Variants in TRERF1 observed in about 807,000 individuals in gnomAD.
TRERF1 encodes transcriptional-regulating factor 1.
Under a neutral mutation model 122.9 loss-of-function variants are expected in TRERF1, and 27 were observed. The observed-to-expected ratio is 0.22, with a 90% CI of 0.16 to 0.30. TRERF1 has a LOEUF of 0.30. Ranked by LOEUF, TRERF1 falls within the 10% of genes least tolerant of loss-of-function variation. TRERF1 has a pLI of 1.00. For synonymous variants in TRERF1, 636 were observed against 641.7 expected (o/e 0.99, Z 0.13); for missense variants, 1,248 against 1,560.3 (o/e 0.80, Z 3.37).
intron 2 of TRERF1, among the ~76,000 whole-genome samples, chr6:42,399,360 T>C (rs763292077): frequency 3.3e-4 from 50 of 152,242 alleles, no homozygotes; most frequent in African/African-American, 1.2e-3. Flanking sequence ...AGAGAAAGTA[T>C]AGACCCCACC....
At chr6:42,311,560 C>T (rs192615005) in intron 3 of TRERF1, among the ~76,000 whole-genome samples, 5 of 151,896 alleles carry the variant, frequency 3.3e-5, no homozygotes, top group Admixed American at 6.6e-5. Flanking sequence ...GTCAGGAGAT[C>T]GAGACCATCC....
chr6:42,425,252 T>G (rs1405043011), intron 2 of TRERF1, among the ~76,000 whole-genome samples: 1 of 152,198 alleles, frequency 6.6e-6, no homozygotes, highest in Non-Finnish European at 1.5e-5. Flanking sequence ...GGTCACATAC[T>G]TCACACTGAC....
Position 42,398,196 on chromosome 6 carries a change from T to C in TRERF1, c.-453-35117A>G, listed in dbSNP as rs74900491. Among the ~76,000 whole-genome samples the C allele has an allele frequency of 9.9e-3, 1,504 of 152,280 alleles. 31 individuals are homozygous for C. Among genetic ancestry groups the C allele is most frequent in the African/African-American group, 0.034 (1,395 of 41,538 alleles). The stretch of plus-strand genomic sequence containing the variant: ...ATGATGTATGCGGACTGGATGAACA[T>C]ACACAAAATATTCAATAAATACCAG... On this transcript the variant is annotated intron_variant, in intron 2 of 17. Coordinates refer to ENST00000372922, the Ensembl canonical transcript of TRERF1.
chr6:42,303,092 T>C (rs1441526089), intron 3 of TRERF1, among the ~76,000 whole-genome samples: 1 of 152,162 alleles, frequency 6.6e-6, no homozygotes, highest in African/African-American at 2.4e-5. Flanking sequence ...GGAAAGGAAA[T>C]GAAATTAACT....
Position 42,434,677 on chromosome 6 carries a change from C to G in TRERF1, c.-454+16500G>C, listed in dbSNP as rs866053788. On this transcript the variant is annotated intron_variant, in intron 2 of 17. Coordinates refer to ENST00000372922, the Ensembl canonical transcript of TRERF1. ...CAGCAGACACCCTCCACCACACACA[C>G]ACACACACACACACACACACACACA... Among the ~76,000 whole-genome samples, 149 of 147,584 alleles carry G rather than the reference C, an allele frequency of 1.0e-3. 4 individuals carry two copies. In the South Asian group the frequency reaches 0.027, roughly 26 times the overall value.
intron 13 of TRERF1, among the ~76,000 whole-genome samples, chr6:42,253,982 A>G (rs1389588633): frequency 6.6e-6 from 1 of 152,266 alleles, no homozygotes; most frequent in Non-Finnish European, 1.5e-5. Flanking sequence ...GAACCAACTT[A>G]GGTTTGTGGA....
At chr6:42,315,397 C>T (rs892381410) in intron 3 of TRERF1, among the ~76,000 whole-genome samples, 2 of 152,186 alleles carry the variant, frequency 1.3e-5, no homozygotes. Context: ...GAAGCACATG[C>T]CAAGGACTTT....
chr6:42,253,978 A>G (rs1315280894), intron 13 of TRERF1, among the ~76,000 whole-genome samples: 4 of 152,210 alleles, frequency 2.6e-5, no homozygotes, highest in Non-Finnish European at 5.9e-5. Flanking sequence ...TAAAGAACCA[A>G]CTTAGGTTTG....
At chr6:42,448,764 C>CAAAGG (rs1451419290) in intron 2 of TRERF1, among the ~76,000 whole-genome samples, 4 of 152,256 alleles carry the variant, frequency 2.6e-5, no homozygotes, top group African/African-American at 9.6e-5. Context: ...GAGCATCAAA[C>CAAAGG]TACTTTAAGT....
intron 17 of TRERF1, among the ~76,000 whole-genome samples, chr6:42,230,408 T>G (rs1039666682): frequency 6.6e-6 from 1 of 151,326 alleles, no homozygotes; most frequent in East Asian, 1.9e-4. Context: ...CTGGGAAACA[T>G]GAAATACTGA....
chr6:42,449,960 C>G (rs1203385056), intron 2 of TRERF1, among the ~76,000 whole-genome samples: 1 of 152,214 alleles, frequency 6.6e-6, no homozygotes, highest in Non-Finnish European at 1.5e-5. Context: ...ACTCCCTAAC[C>G]CTACTAAACG....
At chr6:42,346,509 G>A (rs546806445) in intron 3 of TRERF1, among the ~76,000 whole-genome samples, 100 of 152,294 alleles carry the variant, frequency 6.6e-4, no homozygotes, top group African/African-American at 1.9e-3. Context: ...AATCCACAGC[G>A]ATCCAGAGCA....
chr6:42,269,740 G>A lies in TRERF1; in HGVS notation c.-150C>T, dbSNP rs1779883879. Reference sequence around the variant, plus strand: ...TGTCTGTGAACGTGGCTGGAGCCAGGTGTTCCTGTTGGCCTGTACCACTCA... The same window carrying A: ...TGTCTGTGAACGTGGCTGGAGCCAGATGTTCCTGTTGGCCTGTACCACTCA... On this transcript the variant is annotated 5_prime_UTR_variant, in exon 5 of 18. Transcript: ENST00000372922. The surrounding 1 kb of genome is among the most constrained non-coding windows in gnomAD (Gnocchi z 4.9). 3 of 1,448,460 alleles carry A rather than the reference G, an allele frequency of 2.1e-6. No individual in the cohort carries two copies. Among genetic ancestry groups the A allele is most frequent in the South Asian group, 1.5e-5 (1 of 68,086 alleles). The allele number at this position is 1,448,460 out of a possible 1,614,324, so 89.7% of individuals were successfully genotyped here.
At position 42,268,073 on chromosome 6, in the gene TRERF1, G is replaced by A; in HGVS notation, c.1437+81C>T. On this transcript the variant is annotated intron_variant, in intron 5 of 17. Transcript: ENST00000372922. The surrounding 1 kb of genome is among the most constrained non-coding windows in gnomAD (Gnocchi z 4.4). ...AGAACAAAAGGGTTGAGGGGGCTTG[G>A]AGAGAGGATTGAGCACTGCAGACTC... 7.4e-7 allele frequency: 1 copy of A among 1,355,544 alleles called. No individual in the cohort carries two copies. Among genetic ancestry groups the A allele is most frequent in the Non-Finnish European group, 9.6e-7 (1 of 1,045,408 alleles). 84.0% of individuals were successfully genotyped at this position (1,355,544 alleles called of 1,614,324 possible).
chr6:42,307,395 T>G (rs1304435999), intron 3 of TRERF1, among the ~76,000 whole-genome samples: 1 of 152,216 alleles, frequency 6.6e-6, no homozygotes, highest in Admixed American at 6.5e-5. Context: ...ACTTAAATAT[T>G]TGGAGTAAAA....
chr6:42,417,954 A>T (rs1782088837), intron 2 of TRERF1, among the ~76,000 whole-genome samples: 1 of 152,198 alleles, frequency 6.6e-6, no homozygotes, highest in Admixed American at 6.5e-5. Flanking sequence ...GGCTCTAATG[A>T]CAGAGAGCAG....
At chr6:42,373,153 G>A (rs1774087679) in intron 2 of TRERF1, among the ~76,000 whole-genome samples, 2 of 152,272 alleles carry the variant, frequency 1.3e-5, no homozygotes, top group Non-Finnish European at 2.9e-5. Flanking sequence ...TCCTGCTGGT[G>A]TGGCCGGGGC....
At chr6:42,291,237 C>T (rs1784275364) in intron 4 of TRERF1, among the ~76,000 whole-genome samples, 1 of 152,032 alleles carries the variant, frequency 6.6e-6, no homozygotes, top group Non-Finnish European at 1.5e-5. Flanking sequence ...GCCTCTTGTC[C>T]TCCCATTGCA....
Position 42,268,867 on chromosome 6 carries a change from G to A in TRERF1, c.724C>T (p.Gln242Ter). Residue 242 changes from glutamine to a stop codon, truncating the protein, a stop_gained, in exon 5 of 18, where the codon CAG (glutamine) becomes TAG (stop). Coordinates refer to ENST00000372922, the Ensembl canonical transcript of TRERF1. LOFTEE classifies it high-confidence loss of function. This position sits in a 1 kb window ranked among gnomAD's most constrained non-coding sequence, Gnocchi z 4.4. Reference sequence around the variant, plus strand: ...GGCTGTCCTCCCTGCACTGGCACCTGAGCCAGAGGCTGCTGGTAGTCATAA... The same window carrying A: ...GGCTGTCCTCCCTGCACTGGCACCTAAGCCAGAGGCTGCTGGTAGTCATAA... 1 of 1,614,124 alleles carries A rather than the reference G, an allele frequency of 6.2e-7. No homozygotes were observed. Among genetic ancestry groups the A allele is most frequent in the Non-Finnish European group, 8.5e-7 (1 of 1,180,014 alleles).
Sources: allele counts gnomAD v4.1 joint callset (sites outside exome capture counted in the v4.1 genomes callset), GRCh38; gene constraint gnomAD v4.1.1; non-coding constraint Gnocchi (gnomAD v3.1); transcripts MANE v1.5; gene names NCBI Gene and HGNC (gene_info 2026-07-23, HGNC 2026-07-21).